Variants in UTRN observed in about 807,000 individuals in gnomAD.
UTRN encodes the protein utrophin.
UTRN carries 283 observed loss-of-function variants against 463.9 expected under a neutral mutation model. The observed-to-expected ratio is 0.61, with a 90% CI of 0.55 to 0.67. The LOEUF is 0.67. Among genes scored for constraint, UTRN ranks in the 30% least tolerant of loss-of-function variants. UTRN has a pLI of 0.00. For missense variants in UTRN, 3,922 were observed against 4,084.3 expected (o/e 0.96, Z 1.08); for synonymous variants, 1,442 against 1,431.5 (o/e 1.01, Z -0.17).
chr6:144,691,847 ATTTT>A (rs1488365891), intron 52 of UTRN, among the ~76,000 whole-genome samples: 1 of 152,054 alleles, frequency 6.6e-6, no homozygotes, highest in Non-Finnish European at 1.5e-5. Context: ...TGTCTATTTT[ATTTT>A]ATTTTTTAAT....
At chr6:144,621,305 G>T (rs2128647582) in intron 51 of UTRN, among the ~76,000 whole-genome samples, 1 of 152,300 alleles carries the variant, frequency 6.6e-6, no homozygotes, top group African/African-American at 2.4e-5. Context: ...TATTGCTAAT[G>T]TGAACAAACC....
chr6:144,614,442 C>T (rs568560233), intron 51 of UTRN, among the ~76,000 whole-genome samples: 47 of 152,142 alleles, frequency 3.1e-4, no homozygotes, highest in South Asian at 1.9e-3. Context: ...TGAACCTAAC[C>T]GCTAGGTTAA....
intron 58 of UTRN, among the ~76,000 whole-genome samples, chr6:144,760,666 C>T (rs1792557777): frequency 6.6e-6 from 1 of 152,110 alleles, no homozygotes; most frequent in Non-Finnish European, 1.5e-5. Context: ...AAATTAATAA[C>T]CAAGCAAATG....
intron 60 of UTRN, 97 bp from the exon 61 acceptor site, chr6:144,781,825 C>A: frequency 1.2e-6 from 1 of 858,092 alleles, no homozygotes; most frequent in Non-Finnish European, 1.8e-6. Context: ...AAGAATCAAG[C>A]TAAATACTTG....
intron 52 of UTRN, among the ~76,000 whole-genome samples, chr6:144,689,636 A>G (rs905811659): frequency 3.3e-5 from 5 of 152,044 alleles, no homozygotes; most frequent in African/African-American, 1.2e-4. Context: ...CAAGGGATCC[A>G]GTGATGTGAC....
chr6:144,533,130 C>G lies in UTRN; in HGVS notation c.6103C>G (p.Leu2035Val). Residue 2035 changes from leucine to valine, a missense_variant, in exon 43 of 75, where the codon CTA (leucine) becomes GTA (valine). Physicochemically the swap from Leu to Val is conservative, Grantham distance 32. Around this residue, in one of 3 missense-constraint regions of UTRN, gnomAD observed 2,349 missense variants for 2,303.8 expected, o/e 1.02. Transcript: ENST00000367545. ...CAGCCACCAGCCCAGTTTTGCAGCA[C>G]TAAACCGAACTGGGGATGGGATTGT... is the stretch of plus-strand genomic sequence containing the variant. ...ISSHQPSFAA[L>V]NRTGDGIVQK... 1 of 1,614,002 alleles carries G rather than the reference C, an allele frequency of 6.2e-7. No homozygotes were observed. Among genetic ancestry groups the G allele is most frequent in the African/African-American group, 1.3e-5 (1 of 75,022 alleles).
chr6:144,516,939 C>A lies in UTRN; in HGVS notation c.5532C>A (p.Asn1844Lys). The A allele has an allele frequency of 1.4e-6, 2 of 1,475,844 alleles. No homozygotes were observed. Among genetic ancestry groups the A allele is most frequent in the Non-Finnish European group, 1.8e-6 (2 of 1,118,008 alleles). The allele number at this position is 1,475,844 out of a possible 1,614,324, so 91.4% of individuals were successfully genotyped here. A position where few individuals can be genotyped will look rare whatever the true frequency, so the allele number is the denominator to read the frequency against. ...LQLLLLHTRY[N>K]KIKAIPIQQR... ...TATTACTTTTGCATACTAGATACAA[C>A]AAAATTAAGGTATTATGATTGGAGA... The change falls in exon 39 of 75, where the codon AAC becomes AAA. Residue 1844 changes from asparagine (N) to lysine (K), a missense_variant. Asn to Lys is a moderately conservative substitution (Grantham distance 94). Around this residue, in one of 3 missense-constraint regions of UTRN, gnomAD observed 2,349 missense variants for 2,303.8 expected, o/e 1.02. Transcript: ENST00000367545.
At chr6:144,357,889 T>G (rs1778708602) in intron 2 of UTRN, among the ~76,000 whole-genome samples, 1 of 152,254 alleles carries the variant, frequency 6.6e-6, no homozygotes, top group South Asian at 2.1e-4. Flanking sequence ...AGAACAGAGA[T>G]AGTCAATTCC....
intron 65 of UTRN, among the ~76,000 whole-genome samples, chr6:144,806,966 T>G (rs1364406568): frequency 1.3e-5 from 2 of 152,196 alleles, no homozygotes; most frequent in Non-Finnish European, 2.9e-5. Flanking sequence ...GGTTCATCCA[T>G]CTTTTACTCA....
rs527556012 is a variant in UTRN, at chr6:144,729,675, G to A, written c.7810-682G>A. ...TTTGGTTGTTTTTATAGGTGCAGGG[G>A]TGAAAGTTTAGCTCCACTTCAAGGA... is the stretch of plus-strand genomic sequence containing the variant. On this transcript the variant is annotated intron_variant, in intron 53 of 74. Coordinates refer to ENST00000367545, the MANE Select transcript of UTRN (RefSeq NM_007124.3). Among the ~76,000 whole-genome samples, 4 of 152,292 alleles carry A rather than the reference G, an allele frequency of 2.6e-5. No homozygotes were observed. In the East Asian group the frequency reaches 7.7e-4, roughly 29 times the overall value.
chr6:144,490,181 T>C lies in UTRN; in HGVS notation c.4245T>C (p.Ser1415=). The C allele has an allele frequency of 6.2e-7, 1 of 1,610,440 alleles. No individual in the cohort carries two copies. The highest frequency in any genetic ancestry group is 1.3e-5 in the African/African-American group (1 of 74,718). Residue 1415 remains serine, a synonymous_variant, in exon 31 of 75, where the codon AGT becomes AGC. Coordinates refer to ENST00000367545, the MANE Select transcript of UTRN (RefSeq NM_007124.3). ...AGAGTAGGACTGCCAGAGGAGGAAG[T>C]CAGATGGATGTGCTACAGGTAAAGA... The part of the protein sequence containing the change: ...SPESRTARGG[S]QMDVLQRKLR...
rs566270843 is a variant in UTRN, at chr6:144,848,710, G to A, written c.10293+1883G>A. Among the ~76,000 whole-genome samples, 8 of 152,240 alleles carry A rather than the reference G, an allele frequency of 5.3e-5. No homozygotes were observed. The South Asian group carries it at 6.2e-4, about 12-fold the overall frequency. On this transcript the variant is annotated intron_variant, in intron 74 of 74. Transcript: ENST00000367545. ...AAGAAGGTTGGAGGACAGGACCATT[G>A]GAGGAAAAGAGCCTAAAGAACCAAG... is the stretch of plus-strand genomic sequence containing the variant.
intron 50 of UTRN, among the ~76,000 whole-genome samples, chr6:144,574,915 T>C (rs975573563): frequency 6.6e-6 from 1 of 152,042 alleles, no homozygotes; most frequent in Admixed American, 6.6e-5. Context: ...TGGATAAATA[T>C]CTAGGGGTAA....
At chr6:144,848,209 T>C (rs1437372418) in intron 74 of UTRN, among the ~76,000 whole-genome samples, 3 of 152,032 alleles carry the variant, frequency 2.0e-5, no homozygotes, top group Non-Finnish European at 4.4e-5. Flanking sequence ...TCTTGGAGAA[T>C]AGAAGAGCAG....
chr6:144,349,154 G>T (rs1170555515), intron 2 of UTRN, among the ~76,000 whole-genome samples: 1 of 152,020 alleles, frequency 6.6e-6, no homozygotes, highest in East Asian at 1.9e-4. Flanking sequence ...GACTACAGGC[G>T]CCCGCCATCA....
chr6:144,446,333 C>T (rs947695680), intron 14 of UTRN, among the ~76,000 whole-genome samples: 11 of 152,066 alleles, frequency 7.2e-5, no homozygotes, highest in African/African-American at 2.7e-4. Context: ...GCATATCTTA[C>T]CAGCCTCACT....
At chr6:144,612,195 C>G (rs1180704253) in intron 51 of UTRN, among the ~76,000 whole-genome samples, 1 of 152,050 alleles carries the variant, frequency 6.6e-6, no homozygotes, top group African/African-American at 2.4e-5. Flanking sequence ...AAGTAGACCC[C>G]TATCTTACAC....
intron 34 of UTRN, among the ~76,000 whole-genome samples, chr6:144,510,447 T>C (rs1306368106): frequency 6.6e-6 from 1 of 152,208 alleles, no homozygotes; most frequent in Non-Finnish European, 1.5e-5. Context: ...ATATTATATG[T>C]GAAATCACCC....
intron 2 of UTRN, chr6:144,312,053 G>T (rs1206999602): frequency 6.6e-6 from 1 of 152,210 alleles, no homozygotes; most frequent in Non-Finnish European, 1.5e-5. Flanking sequence ...TGGCTTAGCT[G>T]CTCTGTGCCT....
Sources: allele counts gnomAD v4.1 joint callset (sites outside exome capture counted in the v4.1 genomes callset), GRCh38; gene constraint gnomAD v4.1.1; regional missense constraint gnomAD v4.1.1; transcripts MANE v1.5; gene names NCBI Gene and HGNC (gene_info 2026-07-23, HGNC 2026-07-21).